The following NBEA variants were observed in gnomAD, a reference collection of about 807,000 sequenced individuals.
NBEA encodes lysosomal-trafficking regulator 2.
A neutral mutation model predicts 343.4 loss-of-function variants in NBEA; 44 were observed. The ratio of observed to expected loss-of-function variants is 0.13; its 90% CI spans 0.10 to 0.16. The LOEUF is 0.16. NBEA is among the 10% of genes least tolerant of loss of function. The pLI is 1.00. For missense variants in NBEA, 2,555 were observed against 3,631.3 expected (o/e 0.70, Z 7.62); for synonymous variants, 1,175 against 1,238.7 (o/e 0.95, Z 1.08).
intron 41 of NBEA, among the ~76,000 whole-genome samples, chr13:35,479,823 ATACT>A (rs779917910): frequency 1.3e-4 from 20 of 152,116 alleles, no homozygotes; most frequent in Admixed American, 2.6e-4. Context: ...TAGGATGTAA[ATACT>A]TAATTGTTTT....
Position 35,406,635 on chromosome 13 carries a change from A to G in NBEA, c.6180-25634A>G, listed in dbSNP as rs2043284390. On this transcript the variant is annotated intron_variant, in intron 38 of 58. Transcript: ENST00000379939. ...CGGGTTTCAGTCAAATCTTTTATGT[A>G]GGATCACACCTGGTGACCTTTAAGA... 2.6e-5 allele frequency among the ~76,000 whole-genome samples: 4 copies of G among 152,158 alleles called. No individual in the cohort carries two copies. In the South Asian group the frequency reaches 8.3e-4, roughly 31 times the overall value.
intron 40 of NBEA, among the ~76,000 whole-genome samples, chr13:35,458,980 G>C (rs1433658927): frequency 7.0e-6 from 1 of 143,874 alleles, no homozygotes; most frequent in African/African-American, 2.6e-5. Context: ...TTTTCATAAT[G>C]GTAAGTTTAT....
chr13:35,318,542 G>A (rs901086050), intron 36 of NBEA, among the ~76,000 whole-genome samples: 13 of 152,230 alleles, frequency 8.5e-5, no homozygotes, highest in Non-Finnish European at 1.3e-4. Flanking sequence ...TGTTCATCAG[G>A]GATATTGGCC....
chr13:34,969,352 TTTC>T (rs1376611517), intron 1 of NBEA, among the ~76,000 whole-genome samples: 1 of 152,112 alleles, frequency 6.6e-6, no homozygotes, highest in African/African-American at 2.4e-5. Context: ...GTTTCCGTTT[TTTC>T]TTTTTTTCTG....
intron 34 of NBEA, among the ~76,000 whole-genome samples, chr13:35,283,225 A>C (rs535842039): frequency 1.3e-5 from 2 of 152,210 alleles, no homozygotes; most frequent in South Asian, 4.1e-4. Context: ...ATAAAAAAGA[A>C]AAAATATTCA....
At position 35,290,420 on chromosome 13, in the gene NBEA, G is replaced by T; in HGVS notation, c.5808G>T (p.Val1936=). The change falls in exon 35 of 59, where the codon GTG becomes GTT. Residue 1936 remains valine (V), a synonymous_variant. Coordinates refer to ENST00000379939, the MANE Select transcript of NBEA (RefSeq NM_001385012.1). ...TTTGTATGAAGTCCAGCACATCTGT[G>T]GTTGAGCTTGTTATGCTGCTTTGTT... ...GLVCMKSSTS[V]VELVMLLCSQ... 1 of 1,607,200 alleles carries T rather than the reference G, an allele frequency of 6.2e-7. No homozygotes were observed. The highest frequency in any genetic ancestry group is 1.1e-5 in the South Asian group (1 of 90,682).
chr13:35,461,634 C>T (rs1237292188), intron 40 of NBEA, among the ~76,000 whole-genome samples: 1 of 152,156 alleles, frequency 6.6e-6, no homozygotes, highest in Non-Finnish European at 1.5e-5. Context: ...ATGTTAGCAA[C>T]TTGGAAAGGA....
chr13:35,057,222 C>T (rs1264717577), intron 7 of NBEA, among the ~76,000 whole-genome samples: 1 of 152,082 alleles, frequency 6.6e-6, no homozygotes, highest in Non-Finnish European at 1.5e-5. Flanking sequence ...GTTTTGTTTG[C>T]ATCTCTCTAG....
At chr13:35,006,500 A>G (rs2061323004) in intron 1 of NBEA, among the ~76,000 whole-genome samples, 1 of 152,056 alleles carries the variant, frequency 6.6e-6, no homozygotes, top group Non-Finnish European at 1.5e-5. Context: ...TTATTGATAA[A>G]CATAGTAAAT....
At chr13:35,543,512 C>G (rs1037058247) in intron 41 of NBEA, among the ~76,000 whole-genome samples, 2 of 152,134 alleles carry the variant, frequency 1.3e-5, no homozygotes, top group African/African-American at 4.8e-5. Flanking sequence ...GGGAAAACAT[C>G]TGACTTGCAA....
intron 1 of NBEA, among the ~76,000 whole-genome samples, chr13:35,018,551 A>G (rs2061730853): frequency 6.6e-6 from 1 of 152,116 alleles, no homozygotes; most frequent in Non-Finnish European, 1.5e-5. Context: ...GTTCTTTGCC[A>G]GTATAAATAA....
intron 49 of NBEA, among the ~76,000 whole-genome samples, chr13:35,635,712 CA>C (rs1211403601): frequency 6.6e-6 from 1 of 152,082 alleles, no homozygotes; most frequent in Admixed American, 6.6e-5. Flanking sequence ...GCTTGCATTG[CA>C]AAGGTTTGAT....
At chr13:34,998,308 C>T (rs938924044) in intron 1 of NBEA, among the ~76,000 whole-genome samples, 2 of 152,226 alleles carry the variant, frequency 1.3e-5, no homozygotes, top group South Asian at 2.1e-4. Context: ...CACAGGACCA[C>T]AGGACTGGGG....
At chr13:35,376,379 G>T (rs868317037) in intron 38 of NBEA, among the ~76,000 whole-genome samples, 1 of 148,278 alleles carries the variant, frequency 6.7e-6, no homozygotes. Context: ...ATAGTTTAAG[G>T]GTCTGTAAAT....
chr13:35,122,318 A>C (rs2066847293), intron 16 of NBEA, among the ~76,000 whole-genome samples: 1 of 152,090 alleles, frequency 6.6e-6, no homozygotes, highest in South Asian at 2.1e-4. Context: ...TTGGAACCAA[A>C]CCAAATGTCC....
intron 41 of NBEA, among the ~76,000 whole-genome samples, chr13:35,525,410 A>G (rs2077922109): frequency 6.6e-6 from 1 of 152,076 alleles, no homozygotes; most frequent in Non-Finnish European, 1.5e-5. Flanking sequence ...AAAATTAGCC[A>G]GTCGTGGTGG....
At chr13:35,358,266 T>A (rs1205572749) in intron 38 of NBEA, among the ~76,000 whole-genome samples, 1 of 151,092 alleles carries the variant, frequency 6.6e-6, no homozygotes, top group Admixed American at 6.6e-5. Context: ...TCAAGTGATC[T>A]GCCCGCCTCA....
intron 40 of NBEA, among the ~76,000 whole-genome samples, chr13:35,471,112 C>T (rs1342592753): frequency 6.6e-6 from 1 of 152,188 alleles, no homozygotes; most frequent in African/African-American, 2.4e-5. Flanking sequence ...CTGACACTGT[C>T]ACAGTTTGCT....
At chr13:35,232,887 CA>C (rs1470578387) in intron 34 of NBEA, among the ~76,000 whole-genome samples, 2 of 152,008 alleles carry the variant, frequency 1.3e-5, no homozygotes, top group African/African-American at 4.8e-5. Context: ...ATCCATCTAT[CA>C]GGGCTGATGT....
Sources: gnomAD v4.1 joint callset for allele counts (sites outside exome capture counted in the v4.1 genomes callset) on GRCh38, gnomAD v4.1.1 for gene constraint, MANE v1.5 for transcripts, NCBI Gene and HGNC (gene_info 2026-07-23, HGNC 2026-07-21) for gene names.